The following GMNN variants were observed in gnomAD, a reference collection of about 807,000 sequenced individuals.
GMNN encodes the protein geminin.
In GMNN, 14 loss-of-function variants were observed where a neutral mutation model predicts 20.9. That is an observed-to-expected ratio of 0.67 (90% CI 0.44 to 1.05). The LOEUF is 1.05. Ranked by LOEUF, GMNN falls within the 50% of genes least tolerant of loss-of-function variation. The pLI is 0.00. For synonymous variants in GMNN, 81 were observed against 85.8 expected (o/e 0.94, Z 0.31); for missense variants, 227 against 243.8 (o/e 0.93, Z 0.46).
intron 1 of GMNN, chr6:24,776,977 G>A (rs905235254): frequency 2.8e-5 from 7 of 253,122 alleles, no homozygotes; most frequent in Non-Finnish European, 5.2e-5. Context: ...ACCAGTTTTA[G>A]AAATTGGTTT....
At chr6:24,778,697 C>T (rs930881523) in intron 2 of GMNN, among the ~76,000 whole-genome samples, 5 of 152,030 alleles carry the variant, frequency 3.3e-5, no homozygotes, top group African/African-American at 1.2e-4. Flanking sequence ...CATTAGCTTC[C>T]ATTTAGGATG....
chr6:24,778,281 G>T (rs1780126061), intron 2 of GMNN, among the ~76,000 whole-genome samples: 3 of 152,102 alleles, frequency 2.0e-5, no homozygotes, highest in African/African-American at 7.2e-5. Flanking sequence ...GAAGTAGGAG[G>T]ATTGATTGAG....
intron 1 of GMNN, among the ~76,000 whole-genome samples, chr6:24,776,130 C>G (rs188450633): frequency 0.025 from 3,823 of 151,810 alleles, 65 homozygotes; most frequent in African/African-American, 0.032. Context: ...CGGAGTCTCG[C>G]TCTGTTGCCC....
chr6:24,778,090 A>C (rs2113572537), intron 2 of GMNN, among the ~76,000 whole-genome samples: 1 of 152,330 alleles, frequency 6.6e-6, no homozygotes. Context: ...GACTAGATTC[A>C]TATTTATGGT....
At chr6:24,782,299 TGAGAA>T (rs1283086722) in intron 4 of GMNN, among the ~76,000 whole-genome samples, 1 of 152,094 alleles carries the variant, frequency 6.6e-6, no homozygotes, top group Admixed American at 6.5e-5. Context: ...TAAAGATGAA[TGAGAA>T]GAATTATGCC....
intron 1 of GMNN, chr6:24,775,918 A>T (rs1217269300): frequency 2.6e-5 from 4 of 152,028 alleles, no homozygotes; most frequent in Admixed American, 2.6e-4. Flanking sequence ...CATTCTGTTC[A>T]GTTGCATTTT....
intron 2 of GMNN, 32 bp downstream of exon 2, chr6:24,777,329 G>A (rs749406922): frequency 4.8e-6 from 4 of 836,010 alleles, no homozygotes; most frequent in Non-Finnish European, 7.6e-6. Flanking sequence ...ATTTTTTTTT[G>A]TAGAAAGCAT....
At chr6:24,782,941 G>T (rs542264623) in intron 4 of GMNN, among the ~76,000 whole-genome samples, 237 of 151,498 alleles carry the variant, frequency 1.6e-3, no homozygotes, top group African/African-American at 5.4e-3. Flanking sequence ...ATAACATGTT[G>T]AAGTATTACA....
At chr6:24,776,476 C>T in intron 1 of GMNN, among the ~76,000 whole-genome samples, 1 of 152,210 alleles carries the variant, frequency 6.6e-6, no homozygotes, top group East Asian at 1.9e-4. Flanking sequence ...CATGTGTGTG[C>T]ACGCGCCAGG....
At chr6:24,775,680 T>G (rs367691936) in intron 1 of GMNN, 1 of 152,228 alleles carries the variant, frequency 6.6e-6, no homozygotes, top group African/African-American at 2.4e-5. Context: ...GGGTTTCGCA[T>G]GGACCCTGTC....
chr6:24,785,624 T>G lies in GMNN; in HGVS notation c.469-14T>G, dbSNP rs375293626. On this transcript the variant is annotated splice_polypyrimidine_tract_variant and intron_variant, in intron 6 of 6. Transcript: ENST00000230056. ...AACATTTTTACAATAAATTATTGGT[T>G]TATTCTTTAAAAGAGACTGAATGGT... is the stretch of plus-strand genomic sequence containing the variant. The G allele has an allele frequency of 1.5e-6, 2 of 1,355,124 alleles. No homozygotes were observed. The highest frequency in any genetic ancestry group is 2.1e-6 in the Non-Finnish European group (2 of 967,100). The allele number at this position is 1,355,124 out of a possible 1,614,324, so 83.9% of individuals were successfully genotyped here.
chr6:24,778,809 C>T (rs1780138104), intron 2 of GMNN, among the ~76,000 whole-genome samples: 1 of 151,652 alleles, frequency 6.6e-6, no homozygotes, highest in Non-Finnish European at 1.5e-5. Context: ...TCCCCAGCTT[C>T]AGCAATTACC....
chr6:24,778,601 C>T (rs1780134610), intron 2 of GMNN, among the ~76,000 whole-genome samples: 1 of 151,436 alleles, frequency 6.6e-6, no homozygotes. Flanking sequence ...GTTTGCCTTG[C>T]TTTTCTTAGG....
At position 24,781,719 on chromosome 6, in the gene GMNN, G is replaced by GTAAATTACAATATACT. The variant is rs1209322853; in HGVS notation, c.274+98_274+99insTAAATTACAATATACT. The stretch of plus-strand genomic sequence containing the variant: ...GAATTCTGCCAATTACTGTAATCTG[G>GTAAATTACAATATACT]GGATAGTATAACAGCACTATAAATG... On this transcript the variant is annotated intron_variant, in intron 4 of 6. Transcript: ENST00000230056. The GTAAATTACAATATACT allele has an allele frequency of 7.5e-5, 40 of 531,124 alleles. No homozygotes were observed. In the Admixed American group the frequency reaches 7.6e-4, roughly 10 times the overall value. The allele number at this position is 531,124 out of a possible 1,614,324, so 32.9% of individuals were successfully genotyped here.
chr6:24,781,057 G>A (rs1366115739), intron 3 of GMNN, among the ~76,000 whole-genome samples: 1 of 151,978 alleles, frequency 6.6e-6, no homozygotes, highest in East Asian at 1.9e-4. Context: ...AAAAAAATTA[G>A]CCGGGCGTGG....
chr6:24,785,522 A>G (rs1218410132), intron 6 of GMNN, 116 bp from the exon 7 acceptor site: 4 of 514,380 alleles, frequency 7.8e-6, no homozygotes, highest in Non-Finnish European at 6.8e-6. Context: ...TTGAGGGGCA[A>G]GATGAAAAAA....
chr6:24,775,605 G>C (rs1252322646), intron 1 of GMNN: 1 of 152,272 alleles, frequency 6.6e-6, no homozygotes, highest in Non-Finnish European at 1.5e-5. Context: ...CTGCAAATTT[G>C]GCTCATGGAA....
Position 24,785,764 on chromosome 6 carries a change from G to GT in GMNN, c.596dup (p.Ser200IlefsTer17), listed in dbSNP as rs1299219529. On this transcript the variant is annotated frameshift_variant, in exon 7 of 7. Coordinates refer to ENST00000230056, the MANE Select transcript of GMNN (RefSeq NM_015895.5). LOFTEE classifies it high-confidence loss of function. ...AATTGGCACGTGTGCTGAAGGAACT[G>GT]TATCTTCCTCTACGGATGCAAAGCC... 1 of 1,588,042 alleles carries GT rather than the reference G, an allele frequency of 6.3e-7. No homozygotes were observed. Among genetic ancestry groups the GT allele is most frequent in the Non-Finnish European group, 8.6e-7 (1 of 1,166,262 alleles).
intron 4 of GMNN, among the ~76,000 whole-genome samples, chr6:24,783,816 C>T (rs769482276): frequency 2.0e-5 from 3 of 151,872 alleles, no homozygotes; most frequent in Middle Eastern, 3.2e-3. Context: ...TAAAAAGACA[C>T]GACCTCACAA....
Sources: gnomAD v4.1 joint callset for allele counts (sites outside exome capture counted in the v4.1 genomes callset) on GRCh38, gnomAD v4.1.1 for gene constraint, MANE v1.5 for transcripts, NCBI Gene and HGNC (gene_info 2026-07-23, HGNC 2026-07-21) for gene names.